Variants in RABGAP1L observed in about 807,000 individuals in gnomAD.
RABGAP1L encodes the protein RAB GTPase activating protein 1 like.
In RABGAP1L, 63 loss-of-function variants were observed where a neutral mutation model predicts 137.7. That is an observed-to-expected ratio of 0.46 (90% confidence interval 0.37 to 0.56). RABGAP1L has a LOEUF of 0.56. RABGAP1L is among the 20% of genes least tolerant of loss of function. The pLI is 0.00. For missense variants in RABGAP1L, 1,095 were observed against 1,244.0 expected (o/e 0.88, Z 1.80); for synonymous variants, 431 against 433.7 (o/e 0.99, Z 0.08).
At chr1:174,359,175 T>C (rs1683923138) in intron 11 of RABGAP1L, among the ~76,000 whole-genome samples, 1 of 152,146 alleles carries the variant, frequency 6.6e-6, no homozygotes, top group Non-Finnish European at 1.5e-5. Flanking sequence ...CCTTCTGTTA[T>C]CTTCTTTGTC....
chr1:174,194,596 T>G (rs1303445055), intron 1 of RABGAP1L, among the ~76,000 whole-genome samples: 1 of 152,204 alleles, frequency 6.6e-6, no homozygotes, highest in African/African-American at 2.4e-5. Flanking sequence ...AGACCAGTTC[T>G]GAGAAAGTGA....
At chr1:174,587,449 T>TAAATA (rs57938481) in intron 13 of RABGAP1L, among the ~76,000 whole-genome samples, 45 of 148,048 alleles carry the variant, frequency 3.0e-4, no homozygotes, top group East Asian at 6.0e-4. Flanking sequence ...ATAATAATAA[T>TAAATA]AAATAAAATA....
intron 1 of RABGAP1L, among the ~76,000 whole-genome samples, chr1:174,184,124 C>A (rs190788767): frequency 9.4e-4 from 143 of 152,254 alleles, no homozygotes; most frequent in African/African-American, 3.1e-3. Flanking sequence ...ACCTCGGCCT[C>A]CCAAAGTGCT....
intron 13 of RABGAP1L, among the ~76,000 whole-genome samples, chr1:174,566,815 T>C (rs1486856341): frequency 6.6e-6 from 1 of 152,116 alleles, no homozygotes; most frequent in Non-Finnish European, 1.5e-5. Context: ...TTTAGGTGTT[T>C]TACAGTTATG....
chr1:174,756,356 G>C (rs1684756340), intron 18 of RABGAP1L, among the ~76,000 whole-genome samples: 1 of 151,994 alleles, frequency 6.6e-6, no homozygotes, highest in Non-Finnish European at 1.5e-5. Flanking sequence ...CACCATGTTG[G>C]CCAGGCTGGT....
At chr1:174,959,496 G>A (rs530140207) in intron 20 of RABGAP1L, among the ~76,000 whole-genome samples, 29 of 152,190 alleles carry the variant, frequency 1.9e-4, no homozygotes, top group African/African-American at 7.0e-4. Context: ...ATAGTAAGAT[G>A]TACATTATTT....
At chr1:174,562,879 A>G (rs560853494) in intron 13 of RABGAP1L, among the ~76,000 whole-genome samples, 2 of 152,266 alleles carry the variant, frequency 1.3e-5, no homozygotes, top group South Asian at 2.1e-4. Flanking sequence ...GGAGAGGGAT[A>G]ACATTAGGAG....
chr1:174,491,328 C>T (rs7550593), intron 13 of RABGAP1L, among the ~76,000 whole-genome samples: 5 of 152,100 alleles, frequency 3.3e-5, no homozygotes, highest in South Asian at 2.1e-4. Flanking sequence ...CAAGTCAATG[C>T]GTTCCCTTCT....
chr1:174,428,498 C>G (rs571329411), intron 13 of RABGAP1L, among the ~76,000 whole-genome samples: 11 of 152,172 alleles, frequency 7.2e-5, no homozygotes, highest in Non-Finnish European at 1.5e-4. Context: ...ATTTTCCAAA[C>G]CTCAGTGGGC....
At chr1:174,430,402 T>C (rs1652493058) in intron 13 of RABGAP1L, among the ~76,000 whole-genome samples, 1 of 152,064 alleles carries the variant, frequency 6.6e-6, no homozygotes, top group Admixed American at 6.6e-5. Context: ...CCACTTCTTA[T>C]AGCACCCTCA....
intron 13 of RABGAP1L, among the ~76,000 whole-genome samples, chr1:174,469,520 GT>G (rs1199739483): frequency 1.3e-5 from 2 of 152,170 alleles, no homozygotes; most frequent in Non-Finnish European, 2.9e-5. Context: ...CTCTGAATTT[GT>G]GACAAGCTCT....
chr1:174,199,534 C>T (rs564529023), intron 1 of RABGAP1L, among the ~76,000 whole-genome samples: 17 of 152,256 alleles, frequency 1.1e-4, no homozygotes, highest in African/African-American at 2.6e-4. Context: ...GCAAGTGATC[C>T]GCCCATTTTG....
chr1:174,304,126 A>G (rs1677976002), intron 10 of RABGAP1L, among the ~76,000 whole-genome samples: 1 of 152,154 alleles, frequency 6.6e-6, no homozygotes, highest in Admixed American at 6.5e-5. Context: ...AACATGAATG[A>G]ATGCTGAATT....
rs559467060 is a variant in RABGAP1L at position 174,209,353 on chromosome 1, G to A, written c.-33-9772G>A. Among the ~76,000 whole-genome samples, 97 of 152,246 alleles carry A rather than the reference G, an allele frequency of 6.4e-4. 1 individual carries two copies. In the South Asian group the frequency reaches 0.02, roughly 31 times the overall value. On this transcript the variant is annotated intron_variant, in intron 1 of 25. Transcript: ENST00000681986. The stretch of plus-strand genomic sequence containing the variant: ...GTATTTCTGGACCTGCCCTGGACCA[G>A]AGGGGAGCCCTCTGCCCTGAGGAAT...
intron 13 of RABGAP1L, among the ~76,000 whole-genome samples, chr1:174,494,019 T>G (rs1454420600): frequency 6.6e-6 from 1 of 152,214 alleles, no homozygotes; most frequent in Non-Finnish European, 1.5e-5. Context: ...CAAATAATTT[T>G]ATTTTTTCTG....
rs1010704226 is a variant in RABGAP1L at position 174,918,344 on chromosome 1, T to C, written c.2341-39113T>C. On this transcript the variant is annotated intron_variant, in intron 19 of 25. Transcript: ENST00000681986. ...ATAATGTATATATTTATGTGAAATA[T>C]ACTTTATTATCTATAATCTGTACAT... Among the ~76,000 whole-genome samples, 103 of 152,376 alleles carry C rather than the reference T, an allele frequency of 6.8e-4. 1 individual carries two copies. The highest frequency in any genetic ancestry group is 2.3e-3 in the African/African-American group (95 of 41,588).
intron 11 of RABGAP1L, among the ~76,000 whole-genome samples, chr1:174,361,342 G>T (rs1684131541): frequency 6.6e-6 from 1 of 151,760 alleles, no homozygotes; most frequent in African/African-American, 2.4e-5. Flanking sequence ...TTTTGGTAGG[G>T]ATTACATTGA....
intron 6 of RABGAP1L, among the ~76,000 whole-genome samples, chr1:174,251,795 T>TA (rs1413494215): frequency 6.6e-6 from 1 of 152,196 alleles, no homozygotes; most frequent in Non-Finnish European, 1.5e-5. Context: ...TACAGGCACT[T>TA]ATGACCACCC....
intron 19 of RABGAP1L, among the ~76,000 whole-genome samples, chr1:174,942,685 C>G (rs1202992559): frequency 6.6e-6 from 1 of 152,170 alleles, no homozygotes; most frequent in Non-Finnish European, 1.5e-5. Flanking sequence ...CAGTGCCTGG[C>G]ACATAGGAAG....
Sources: allele counts gnomAD v4.1 joint callset (sites outside exome capture counted in the v4.1 genomes callset), GRCh38; gene constraint gnomAD v4.1.1; transcripts MANE v1.5; gene names NCBI Gene and HGNC (gene_info 2026-07-23, HGNC 2026-07-21).